Variants in ERMARD observed in about 807,000 individuals in gnomAD.
ERMARD encodes endoplasmic reticulum membrane-associated RNA degradation protein.
ERMARD carries 71 observed loss-of-function variants against 83.9 expected under a neutral mutation model. The ratio of observed to expected loss-of-function variants is 0.85; its 90% CI spans 0.70 to 1.03. ERMARD has a LOEUF of 1.03. ERMARD is among the 50% of genes least tolerant of loss of function. The pLI is 0.00. For synonymous variants in ERMARD, 284 were observed against 298.6 expected, an observed-to-expected ratio of 0.95 and a Z score of 0.50; for missense variants, 838 against 810.9, an observed-to-expected ratio of 1.03 and a Z score of -0.41.
chr6:169,755,902 T>G (rs1790757074), intron 3 of ERMARD, among the ~76,000 whole-genome samples: 1 of 152,210 alleles, frequency 6.6e-6, no homozygotes, highest in African/African-American at 2.4e-5. Context: ...GCACACTAAA[T>G]GACCCCAGTA....
intron 12 of ERMARD, chr6:169,770,407 T>G (rs1022287959): frequency 6.6e-6 from 1 of 152,220 alleles, no homozygotes; most frequent in African/African-American, 2.4e-5. Context: ...TTATTCTTTT[T>G]GTCAGCTGTT....
At chr6:169,773,175 A>C in intron 12 of ERMARD, 144 bp from the exon 13 acceptor site, 1 of 620,958 alleles carries the variant, frequency 1.6e-6, no homozygotes. Flanking sequence ...AGCCTATTTT[A>C]ATGAAGCACT....
At chr6:169,769,490 T>TCTCTGCTG (rs1396764467) in intron 11 of ERMARD, 50 bp from the exon 12 acceptor site, 1 of 1,516,238 alleles carries the variant, frequency 6.6e-7, no homozygotes, top group Non-Finnish European at 8.9e-7. Flanking sequence ...CAGGCACGTC[T>TCTCTGCTG]CTCTGCTGCG....
rs1790659404 is a variant in ERMARD at position 169,755,326 on chromosome 6, T to C, written c.219T>C (p.Pro73=). The C allele has an allele frequency of 1.9e-6, 3 of 1,613,986 alleles. No individual in the cohort carries two copies. The highest frequency in any genetic ancestry group is 2.5e-6 in the Non-Finnish European group (3 of 1,179,912). ...GGGGAAGCGTGAGGCTGCTGGGCCC[T>C]GTGTGTGAGGCTGTCCATTCACATT... ...DYWGSVRLLG[P]VCEAVHSHFL... Residue 73 remains proline, a synonymous_variant, in exon 3 of 18, where the codon CCT becomes CCC. Coordinates refer to ENST00000366773, the MANE Select transcript of ERMARD (RefSeq NM_018341.3).
chr6:169,756,388 T>C lies in ERMARD; in HGVS notation c.366T>C (p.Ile122=). 6.2e-7 allele frequency: 1 copy of C among 1,612,026 alleles called. No individual in the cohort carries two copies. Among genetic ancestry groups the C allele is most frequent in the South Asian group, 1.1e-5 (1 of 90,526 alleles). The change falls in exon 4 of 18, where the codon ATT becomes ATC. Residue 122 remains isoleucine, a synonymous_variant. Coordinates refer to ENST00000366773, the MANE Select transcript of ERMARD (RefSeq NM_018341.3). ...TGGAAAGTCTACAATCTCCTGCTAT[T>C]TCTCTTAGCTTAATGAAACTGACAT... ...DALESLQSPA[I]SLSLMKLTSC...
intron 15 of ERMARD, 192 bp downstream of exon 15, chr6:169,776,257 T>C (rs1007211450): frequency 6.5e-7 from 1 of 1,541,792 alleles, no homozygotes; most frequent in Non-Finnish European, 8.8e-7. Context: ...CTGATGAGGC[T>C]GTGAATGCCA....
At chr6:169,762,749 C>T (rs1247247141) in intron 9 of ERMARD, among the ~76,000 whole-genome samples, 1 of 152,122 alleles carries the variant, frequency 6.6e-6, no homozygotes, top group African/African-American at 2.4e-5. Context: ...GTCTTTAAAA[C>T]TCAATGATAC....
At position 169,759,879 on chromosome 6, in the gene ERMARD, A is replaced by C; in HGVS notation, c.647A>C (p.Gln216Pro). The change falls in exon 7 of 18, where the codon CAG becomes CCG. Residue 216 changes from glutamine (Q) to proline (P), a missense_variant. Gln to Pro is a moderately conservative substitution (Grantham distance 76). Transcript: ENST00000366773. ...ATACTGTTGACGGCAGGATTGGGTC[A>C]GTTACTGAAGAGTTACCTTCAAAAC... Reference protein sequence around the residue: ...MMILLTAGLGQLLKSYLQNTK... With the variant: ...MMILLTAGLGPLLKSYLQNTK... 6.2e-7 allele frequency: 1 copy of C among 1,614,264 alleles called. No homozygotes were observed. Among genetic ancestry groups the C allele is most frequent in the Non-Finnish European group, 8.5e-7 (1 of 1,180,052 alleles).
chr6:169,775,445 G>A, intron 14 of ERMARD, 99 bp downstream of exon 14: 1 of 1,351,840 alleles, frequency 7.4e-7, no homozygotes, highest in Non-Finnish European at 1.0e-6. Flanking sequence ...AGATAAAAGG[G>A]GAAGGAGGAA....
At chr6:169,772,043 T>G (rs1463856379) in intron 12 of ERMARD, 1 of 152,184 alleles carries the variant, frequency 6.6e-6, no homozygotes, top group African/African-American at 2.4e-5. Flanking sequence ...AAAAGAAATA[T>G]GTTCCACATC....
chr6:169,775,237 A>G (rs750009211), intron 13 of ERMARD, 33 bp from the exon 14 acceptor site: 2 of 1,607,236 alleles, frequency 1.2e-6, no homozygotes, highest in Non-Finnish European at 1.7e-6. Flanking sequence ...GTTACTGTGA[A>G]ATCTACAAAA....
intron 17 of ERMARD, among the ~76,000 whole-genome samples, chr6:169,780,606 A>G (rs1393322092): frequency 6.6e-6 from 1 of 152,110 alleles, no homozygotes; most frequent in Non-Finnish European, 1.5e-5. Flanking sequence ...CCCCTCCATC[A>G]CGGGGGATGG....
Position 169,760,683 on chromosome 6 carries a change from A to T in ERMARD, c.784A>T (p.Met262Leu), listed in dbSNP as rs1421658494. ...GCTTTCAGTATTAGAAGAAGTGATG[A>T]TGAAATCTGCTTTTATATTAAAAAT... Reference protein sequence around the residue: ...EVLSVLEEVMMKSAFILKIML... With the variant: ...EVLSVLEEVMLKSAFILKIML... Residue 262 changes from methionine to leucine, a missense_variant, in exon 8 of 18, where the codon ATG becomes TTG. Coordinates refer to ENST00000366773, the MANE Select transcript of ERMARD (RefSeq NM_018341.3). 1 of 1,613,892 alleles carries T rather than the reference A, an allele frequency of 6.2e-7. No individual in the cohort carries two copies. Among genetic ancestry groups the T allele is most frequent in the South Asian group, 1.1e-5 (1 of 91,048 alleles).
intron 9 of ERMARD, among the ~76,000 whole-genome samples, chr6:169,764,530 C>T (rs1397540364): frequency 6.6e-6 from 1 of 152,134 alleles, no homozygotes; most frequent in Non-Finnish European, 1.5e-5. Flanking sequence ...CCTCAGCCTT[C>T]CAAAGTTTTG....
At chr6:169,758,374 T>C (rs1791083996) in intron 5 of ERMARD, among the ~76,000 whole-genome samples, 3 of 152,182 alleles carry the variant, frequency 2.0e-5, no homozygotes, top group Non-Finnish European at 4.4e-5. Flanking sequence ...GTCCATTTAT[T>C]AGGACGCCTG....
chr6:169,775,541 G>A (rs985948763), intron 14 of ERMARD, among the ~76,000 whole-genome samples, 195 bp downstream of exon 14: 1 of 152,246 alleles, frequency 6.6e-6, no homozygotes, highest in Non-Finnish European at 1.5e-5. Flanking sequence ...GGGCCCTGGT[G>A]GAGACTGAAC....
chr6:169,764,225 C>T (rs577124466), intron 9 of ERMARD, among the ~76,000 whole-genome samples: 54 of 151,982 alleles, frequency 3.6e-4, no homozygotes, highest in African/African-American at 1.2e-3. Context: ...AAATTTCATT[C>T]TCACAGTCCT....
In ERMARD at chr6:169,776,665, G is replaced by T. The variant is rs1388410307; in HGVS notation, c.1731G>T (p.Met577Ile). 6.2e-7 allele frequency: 1 copy of T among 1,613,436 alleles called. No individual in the cohort carries two copies. Among genetic ancestry groups the T allele is most frequent in the African/African-American group, 1.3e-5 (1 of 74,908 alleles). ...RSRQRQNYLR[M>I]WSSIRLLSPV... ...GCCAGCGGCAGAACTACCTGCGTAT[G>T]TGGAGTAGGTGCGCGCTCACTTTCC... The change falls in exon 16 of 18, where the codon ATG (methionine) becomes ATT (isoleucine). Residue 577 changes from methionine to isoleucine, a missense_variant. Transcript: ENST00000366773.
rs536838477 is a variant in ERMARD at position 169,763,606 on chromosome 6, T to C, written c.960+1075T>C. On this transcript the variant is annotated intron_variant, in intron 9 of 17. Transcript: ENST00000366773. Reference sequence around the variant, plus strand: ...AGGTGCAGCCGCTCCACACCTCGGATTCTCGTCTCTTTCTCTAGCTTGGCT... The same window carrying C: ...AGGTGCAGCCGCTCCACACCTCGGACTCTCGTCTCTTTCTCTAGCTTGGCT... Among the ~76,000 whole-genome samples the C allele has an allele frequency of 2.8e-4, 43 of 152,322 alleles. 1 individual carries two copies. The highest frequency in any genetic ancestry group is 2.5e-3 in the Admixed American group (39 of 15,306).
Sources: gnomAD v4.1 joint callset for allele counts (sites outside exome capture counted in the v4.1 genomes callset) on GRCh38, gnomAD v4.1.1 for gene constraint, MANE v1.5 for transcripts, NCBI Gene and HGNC (gene_info 2026-07-23, HGNC 2026-07-21) for gene names.